The following TRIM55 variants were observed in gnomAD, a reference collection of about 807,000 sequenced individuals.
The protein encoded by TRIM55 is tripartite motif-containing protein 55.
In TRIM55, 50 loss-of-function variants were observed where a neutral mutation model predicts 60.9. That is an observed-to-expected ratio of 0.82 (90% confidence interval 0.65 to 1.04). The LOEUF (loss-of-function observed/expected upper bound fraction) is 1.04, where lower values mean the gene tolerates loss of function less well. TRIM55 is among the 50% of genes least tolerant of loss of function. The probability of loss-of-function intolerance (pLI) is 0.00; values close to 1 mark genes in which losing one functional copy is unlikely to be tolerated. For missense variants in TRIM55, 681 were observed against 666.9 expected (o/e 1.02, Z -0.23); for synonymous variants, 237 against 238.1 (o/e 1.00, Z 0.04).
chr8:66,135,173 T>G lies in TRIM55; in HGVS notation c.507+18T>G. On this transcript the variant is annotated intron_variant, in intron 3 of 9. Coordinates refer to ENST00000315962, the MANE Select transcript of TRIM55 (RefSeq NM_184085.2). Reference sequence around the variant, plus strand: ...GACAGAAGGTAACAGAGCTGCTCCCTCCCTCCCGCAACCCCTCCCCATCCC... The same window carrying G: ...GACAGAAGGTAACAGAGCTGCTCCCGCCCTCCCGCAACCCCTCCCCATCCC... 1 of 1,612,544 alleles carries G rather than the reference T, an allele frequency of 6.2e-7. No homozygotes were observed. The highest frequency in any genetic ancestry group is 8.5e-7 in the Non-Finnish European group (1 of 1,179,136).
chr8:66,144,478 G>A (rs1809997233), intron 4 of TRIM55, among the ~76,000 whole-genome samples: 1 of 152,242 alleles, frequency 6.6e-6, no homozygotes, highest in Admixed American at 6.5e-5. Context: ...GCAGCAGCCA[G>A]AGGCTTTGCA....
chr8:66,160,628 A>G (rs1810994504), intron 9 of TRIM55, among the ~76,000 whole-genome samples: 1 of 152,162 alleles, frequency 6.6e-6, no homozygotes, highest in Non-Finnish European at 1.5e-5. Flanking sequence ...GTACTAGTTT[A>G]CATTCCCACC....
At chr8:66,144,261 AC>A (rs1389826986) in intron 4 of TRIM55, among the ~76,000 whole-genome samples, 1 of 152,180 alleles carries the variant, frequency 6.6e-6, no homozygotes, top group Non-Finnish European at 1.5e-5. Context: ...CAAATATCCC[AC>A]CCATCATCAT....
intron 2 of TRIM55, 88 bp downstream of exon 2, chr8:66,128,564 T>A: frequency 7.2e-7 from 1 of 1,384,806 alleles, no homozygotes; most frequent in Non-Finnish European, 9.9e-7. Context: ...GCTGAATGCT[T>A]GTTTATCAAT....
chr8:66,113,455 A>G, the TRIM55 span: 1 of 454,002 alleles, frequency 2.2e-6, no homozygotes. Context: ...TTCCGGCTCG[A>G]AGGAGACAAG....
rs750002519 is a variant in TRIM55, at chr8:66,149,740, T to G, written c.699T>G (p.Ile233Met). The G allele has an allele frequency of 1.9e-6, 3 of 1,614,060 alleles. No homozygotes were observed. The highest frequency in any genetic ancestry group is 2.5e-6 in the Non-Finnish European group (3 of 1,180,022). The change falls in exon 5 of 10, where the codon ATT becomes ATG. Residue 233 changes from isoleucine to methionine, a missense_variant. Ile to Met is a conservative substitution (Grantham distance 10). Coordinates refer to ENST00000315962, the MANE Select transcript of TRIM55 (RefSeq NM_184085.2). ...GGAAGAATGAAATGACCCAAGTCAT[T>G]ACCCGAACCCAAGAGGAGAAACTGG... ...EERKNEMTQV[I>M]TRTQEEKLEH...
intron 9 of TRIM55, among the ~76,000 whole-genome samples, chr8:66,161,684 T>A (rs1192307928): frequency 6.6e-6 from 1 of 150,490 alleles, no homozygotes; most frequent in Non-Finnish European, 1.5e-5. Flanking sequence ...TCATCTATGA[T>A]TTCTTTCCAC....
At chr8:66,114,217 C>G in the TRIM55 span, among the ~76,000 whole-genome samples, 4 of 152,044 alleles carry the variant, frequency 2.6e-5, no homozygotes, top group Non-Finnish European at 4.4e-5. Flanking sequence ...GTAGAGCGCT[C>G]GCTTAGCATG....
intron 9 of TRIM55, among the ~76,000 whole-genome samples, chr8:66,168,224 G>T (rs1243445009): frequency 1.3e-5 from 2 of 152,242 alleles, no homozygotes; most frequent in East Asian, 3.9e-4. Flanking sequence ...ACCTATGATG[G>T]CAGAGCTGCC....
chr8:66,167,671 A>G (rs1430653429), intron 9 of TRIM55, among the ~76,000 whole-genome samples: 1 of 152,210 alleles, frequency 6.6e-6, no homozygotes, highest in African/African-American at 2.4e-5. Context: ...GCTGATGGCA[A>G]CAAAGCCCCC....
intron 9 of TRIM55, among the ~76,000 whole-genome samples, chr8:66,154,636 G>T (rs1474837068): frequency 6.6e-6 from 1 of 152,216 alleles, no homozygotes; most frequent in Non-Finnish European, 1.5e-5. Context: ...TGCTTCATCT[G>T]CAGTGACTGG....
chr8:66,150,015 A>G (rs1810320254), intron 5 of TRIM55, 137 bp downstream of exon 5: 2 of 899,196 alleles, frequency 2.2e-6, no homozygotes, highest in East Asian at 5.3e-5. Flanking sequence ...ATGTGCTTAT[A>G]TATTAATCTA....
At chr8:66,128,226 A>G in intron 1 of TRIM55, 78 bp from the exon 2 acceptor site, 1 of 1,327,436 alleles carries the variant, frequency 7.5e-7, no homozygotes, top group South Asian at 1.4e-5. Context: ...TGTTTGTAGT[A>G]GCAGAGAGTG....
intron 9 of TRIM55, among the ~76,000 whole-genome samples, chr8:66,163,451 A>G (rs1431622860): frequency 3.3e-5 from 5 of 152,150 alleles, no homozygotes; most frequent in African/African-American, 1.2e-4. Context: ...TGCATCCCAC[A>G]AGTTTTGATA....
At chr8:66,137,273 T>A in intron 4 of TRIM55, 83 bp downstream of exon 4, 1 of 975,268 alleles carries the variant, frequency 1.0e-6, no homozygotes, top group Non-Finnish European at 1.6e-6. Flanking sequence ...ACACTAGACA[T>A]CCCTATTCTG....
At chr8:66,149,247 C>T (rs915369512) in intron 4 of TRIM55, among the ~76,000 whole-genome samples, 1 of 152,064 alleles carries the variant, frequency 6.6e-6, no homozygotes, top group African/African-American at 2.4e-5. Context: ...AAGGTACAAA[C>T]CAGGAAGTAT....
intron 8 of TRIM55, 28 bp downstream of exon 8, chr8:66,152,655 G>A: frequency 6.3e-7 from 1 of 1,597,234 alleles, no homozygotes; most frequent in South Asian, 1.1e-5. Context: ...TCTTTCTACA[G>A]GGCACATGGG....
intron 9 of TRIM55, among the ~76,000 whole-genome samples, chr8:66,162,472 G>A (rs1241208012): frequency 6.6e-6 from 1 of 150,790 alleles, no homozygotes; most frequent in Non-Finnish European, 1.5e-5. Flanking sequence ...ATATTGGTCT[G>A]TAGTTTTTTT....
At chr8:66,144,122 C>T (rs1809974916) in intron 4 of TRIM55, among the ~76,000 whole-genome samples, 1 of 152,112 alleles carries the variant, frequency 6.6e-6, no homozygotes, top group Admixed American at 6.5e-5. Context: ...TTAACATTTC[C>T]ATGATGGCAA....
Sources: allele counts gnomAD v4.1 joint callset (sites outside exome capture counted in the v4.1 genomes callset), GRCh38; gene constraint gnomAD v4.1.1; transcripts MANE v1.5; gene names NCBI Gene and HGNC (gene_info 2026-07-23, HGNC 2026-07-21).